The following CAPZA1 variants were observed in gnomAD, a reference collection of about 807,000 sequenced individuals.
CAPZA1 encodes the protein F-actin-capping protein subunit alpha-1.
In CAPZA1, 10 loss-of-function variants were observed where a neutral mutation model predicts 40.8. That is an observed-to-expected ratio of 0.25 (90% CI 0.15 to 0.42). The LOEUF (loss-of-function observed/expected upper bound fraction) is 0.42, where lower values mean the gene tolerates loss of function less well. Ranked by LOEUF, CAPZA1 falls within the 10% of genes least tolerant of loss-of-function variation. The pLI is 1.00. For missense variants in CAPZA1, 277 were observed against 353.8 expected (o/e 0.78, Z 1.74); for synonymous variants, 98 against 115.0 (o/e 0.85, Z 0.95).
intron 1 of CAPZA1, among the ~76,000 whole-genome samples, chr1:112,635,975 G>A (rs1671008496): frequency 2.0e-5 from 3 of 152,194 alleles, no homozygotes; most frequent in East Asian, 3.9e-4. Flanking sequence ...GTTGCAGTGA[G>A]CTGAGATCGC....
At chr1:112,642,029 A>C (rs1671178491) in intron 1 of CAPZA1, among the ~76,000 whole-genome samples, 1 of 152,022 alleles carries the variant, frequency 6.6e-6, no homozygotes, top group South Asian at 2.1e-4. Flanking sequence ...TAGTGTGACA[A>C]GTCACATTGT....
rs1313550302 is a variant in CAPZA1 at position 112,668,049 on chromosome 1, G to A, written c.657+904G>A. Among the ~76,000 whole-genome samples, 13 of 152,122 alleles carry A rather than the reference G, an allele frequency of 8.5e-5. No individual in the cohort carries two copies. The East Asian group carries it at 2.1e-3, about 25-fold the overall frequency. ...ACCTGTAATCCCAGCACTTTGGGAG[G>A]TCGAGGCAGGTGAAAGCTTGAGCTC... On this transcript the variant is annotated intron_variant, in intron 8 of 9. Coordinates refer to ENST00000263168, the MANE Select transcript of CAPZA1 (RefSeq NM_006135.3).
At chr1:112,659,819 C>T in intron 7 of CAPZA1, 40 bp downstream of exon 7, 1 of 1,478,062 alleles carries the variant, frequency 6.8e-7, no homozygotes, top group Non-Finnish European at 9.4e-7. Flanking sequence ...AACTTCACAT[C>T]TTTAAAACAT....
At chr1:112,656,405 T>G (rs1228407795) in intron 5 of CAPZA1, among the ~76,000 whole-genome samples, 3 of 150,040 alleles carry the variant, frequency 2.0e-5, no homozygotes, top group Non-Finnish European at 4.4e-5. Context: ...TACATAAATG[T>G]TAGATGAATG....
At chr1:112,646,492 G>A (rs113070241) in intron 1 of CAPZA1, among the ~76,000 whole-genome samples, 61 of 152,254 alleles carry the variant, frequency 4.0e-4, no homozygotes, top group Middle Eastern at 3.4e-3. Context: ...CAGGAAGAGC[G>A]CTTGAGCCCA....
intron 1 of CAPZA1, among the ~76,000 whole-genome samples, chr1:112,644,979 T>C (rs1671253709): frequency 6.6e-6 from 1 of 152,128 alleles, no homozygotes; most frequent in Admixed American, 6.5e-5. Context: ...ACCACTTAGC[T>C]CCTCCCTTCT....
At chr1:112,653,064 AAAG>A (rs1240933186) in intron 3 of CAPZA1, among the ~76,000 whole-genome samples, 1 of 152,214 alleles carries the variant, frequency 6.6e-6, no homozygotes, top group Non-Finnish European at 1.5e-5. Context: ...AGCCAAGAAA[AAAG>A]ATCATTTCCA....
chr1:112,665,650 C>T (rs904581415), intron 7 of CAPZA1, among the ~76,000 whole-genome samples: 1 of 152,112 alleles, frequency 6.6e-6, no homozygotes, highest in African/African-American at 2.4e-5. Flanking sequence ...TCTGCATTCT[C>T]ACGTGACAGA....
At chr1:112,620,711 T>G (rs1193549029) in intron 1 of CAPZA1, 1 of 152,240 alleles carries the variant, frequency 6.6e-6, no homozygotes, top group East Asian at 1.9e-4. Context: ...GTGGAGTCTT[T>G]GATCAGTTGA....
At chr1:112,657,638 C>T (rs561583689) in intron 5 of CAPZA1, among the ~76,000 whole-genome samples, 1 of 152,040 alleles carries the variant, frequency 6.6e-6, no homozygotes, top group African/African-American at 2.4e-5. Context: ...TTTGCCCAGG[C>T]TGGCGTACAG....
intron 5 of CAPZA1, among the ~76,000 whole-genome samples, chr1:112,656,269 T>A (rs1671497514): frequency 6.6e-6 from 1 of 152,160 alleles, no homozygotes; most frequent in Admixed American, 6.5e-5. Flanking sequence ...AACATCTCTG[T>A]GCCTCAATTC....
At chr1:112,630,370 G>A (rs1362458042) in intron 1 of CAPZA1, among the ~76,000 whole-genome samples, 3 of 151,716 alleles carry the variant, frequency 2.0e-5, no homozygotes, top group African/African-American at 4.8e-5. Flanking sequence ...TTGTTAGAGA[G>A]TCTCACTCTT....
At chr1:112,669,694 T>G in intron 9 of CAPZA1, 89 bp downstream of exon 9, 2 of 951,446 alleles carry the variant, frequency 2.1e-6, no homozygotes, top group South Asian at 2.8e-5. Flanking sequence ...TCCTTTAATG[T>G]AAATATACAT....
intron 5 of CAPZA1, among the ~76,000 whole-genome samples, chr1:112,656,641 T>C (rs1671505499): frequency 2.0e-5 from 3 of 151,876 alleles, no homozygotes; most frequent in African/African-American, 7.3e-5. Context: ...CATTCTTAAT[T>C]TGGAGAGCTC....
intron 8 of CAPZA1, among the ~76,000 whole-genome samples, chr1:112,669,016 G>A (rs1229887764): frequency 1.3e-5 from 2 of 152,176 alleles, no homozygotes; most frequent in African/African-American, 4.8e-5. Context: ...ATGGTAACAG[G>A]AAGAGGGAGA....
At chr1:112,622,917 C>T (rs1670705092) in intron 1 of CAPZA1, among the ~76,000 whole-genome samples, 1 of 149,470 alleles carries the variant, frequency 6.7e-6, no homozygotes, top group Admixed American at 6.7e-5. Context: ...AAGTCTTGCA[C>T]TGTCTCCCAG....
intron 3 of CAPZA1, among the ~76,000 whole-genome samples, chr1:112,651,121 G>C (rs1671378602): frequency 6.6e-6 from 1 of 152,162 alleles, no homozygotes; most frequent in South Asian, 2.1e-4. Flanking sequence ...CCTTCAGTCT[G>C]TATAAAATGA....
intron 1 of CAPZA1, among the ~76,000 whole-genome samples, chr1:112,624,005 C>CAAAAAAAAAA (rs749422218): frequency 1.1e-4 from 8 of 74,778 alleles, no homozygotes; most frequent in East Asian, 4.0e-4. Context: ...GACTCCATCT[C>CAAAAAAAAAA]AAAAAAAAAA....
chr1:112,636,762 A>G (rs1671028599), intron 1 of CAPZA1, among the ~76,000 whole-genome samples: 1 of 152,180 alleles, frequency 6.6e-6, no homozygotes, highest in Non-Finnish European at 1.5e-5. Flanking sequence ...CTTGAGAATG[A>G]TTGACTAAAT....
Sources: allele counts gnomAD v4.1 joint callset (sites outside exome capture counted in the v4.1 genomes callset), GRCh38; gene constraint gnomAD v4.1.1; transcripts MANE v1.5; gene names NCBI Gene and HGNC (gene_info 2026-07-23, HGNC 2026-07-21).